Variants in AFF2 observed in about 807,000 individuals in gnomAD.
AFF2 encodes ALF transcription elongation factor 2.
Under a neutral mutation model 76.9 loss-of-function variants are expected in AFF2, and 14 were observed. The ratio of observed to expected loss-of-function variants is 0.18; its 90% CI spans 0.12 to 0.28. The LOEUF is 0.28. AFF2 is among the 10% of genes least tolerant of loss of function. The pLI, the probability that AFF2 is intolerant of heterozygous loss-of-function variation, is 1.00. For missense variants in AFF2, 868 were observed against 1,001.1 expected (o/e 0.87, Z 1.79); for synonymous variants, 398 against 366.7 (o/e 1.09, Z -0.98).
intron 9 of AFF2, among the ~76,000 whole-genome samples, chrX:148,941,414 G>C (rs2071832557): frequency 8.9e-6 from 1 of 111,751 alleles, no homozygotes; most frequent in Non-Finnish European, 1.9e-5. Context: ...GCACAATGTA[G>C]GCTGGGTTGG....
intron 1 of AFF2, among the ~76,000 whole-genome samples, chrX:148,587,342 T>G (rs1557246032): frequency 1.8e-5 from 2 of 112,444 alleles, no homozygotes; most frequent in Non-Finnish European, 3.8e-5. Flanking sequence ...AATGGGAAAT[T>G]ACTTTTAAAT....
intron 3 of AFF2, among the ~76,000 whole-genome samples, chrX:148,712,082 T>G (rs1385256636): frequency 1.8e-5 from 2 of 111,811 alleles, no homozygotes; most frequent in Non-Finnish European, 3.8e-5. Context: ...TAAACAGACA[T>G]GAATACAAGT....
intron 1 of AFF2, among the ~76,000 whole-genome samples, chrX:148,563,000 G>T (rs1557240968): frequency 1.8e-5 from 2 of 112,249 alleles, no homozygotes; most frequent in African/African-American, 6.5e-5. Flanking sequence ...GCCGACTTTA[G>T]CCTTGGTTGT....
intron 16 of AFF2, 31 bp downstream of exon 16, chrX:148,973,638 C>T (rs2072286804): frequency 8.6e-7 from 1 of 1,157,192 alleles, no homozygotes; most frequent in Non-Finnish European, 1.2e-6. Flanking sequence ...CATCTTCCTA[C>T]ACTCATTTCA....
intron 3 of AFF2, among the ~76,000 whole-genome samples, chrX:148,710,375 G>C (rs1459888087): frequency 8.9e-6 from 1 of 111,810 alleles, no homozygotes; most frequent in Non-Finnish European, 1.9e-5. Flanking sequence ...ATATAGACTT[G>C]AGAGCAATAC....
At chrX:148,914,283 C>A (rs782221994) in intron 9 of AFF2, among the ~76,000 whole-genome samples, 6 of 110,818 alleles carry the variant, frequency 5.4e-5, no homozygotes, top group Admixed American at 9.6e-5. Context: ...TTAGAGGCAG[C>A]TGGGGCGGGG....
intron 1 of AFF2, among the ~76,000 whole-genome samples, chrX:148,628,673 T>C (rs1955155898): frequency 8.9e-6 from 1 of 112,099 alleles, no homozygotes; most frequent in Non-Finnish European, 1.9e-5. Context: ...AGCTATGATA[T>C]TTGTTTCTAG....
At chrX:148,784,886 G>A (rs2069795095) in intron 3 of AFF2, among the ~76,000 whole-genome samples, 1 of 111,293 alleles carries the variant, frequency 9.0e-6, no homozygotes, top group South Asian at 3.9e-4. Context: ...CTCCATGCAC[G>A]GGCTGCCCCT....
intron 9 of AFF2, among the ~76,000 whole-genome samples, chrX:148,907,969 G>A (rs888451499): frequency 2.7e-5 from 3 of 111,118 alleles, no homozygotes; most frequent in Admixed American, 1.9e-4. Flanking sequence ...TCTCTTTCTC[G>A]GGGATGTCCC....
chrX:148,792,734 A>G (rs192416310), intron 3 of AFF2, among the ~76,000 whole-genome samples: 18 of 112,463 alleles, frequency 1.6e-4, no homozygotes, highest in African/African-American at 5.8e-4. Context: ...CTGATGGCAT[A>G]TACCACAATG....
chrX:148,932,199 G>A (rs1472051424), intron 9 of AFF2, among the ~76,000 whole-genome samples: 2 of 112,292 alleles, frequency 1.8e-5, no homozygotes, highest in Middle Eastern at 4.6e-3. Flanking sequence ...TCATGGAACT[G>A]AAGGTACCGC....
intron 9 of AFF2, among the ~76,000 whole-genome samples, chrX:148,932,301 G>A (rs1403893533): frequency 8.9e-6 from 1 of 112,036 alleles, no homozygotes. Flanking sequence ...ATTTCCTGGG[G>A]ATTCACAAGA....
At chrX:148,922,757 A>G (rs2071609899) in intron 9 of AFF2, among the ~76,000 whole-genome samples, 1 of 111,670 alleles carries the variant, frequency 9.0e-6, no homozygotes. Flanking sequence ...CCTACTTATC[A>G]GGATGTTCTC....
intron 3 of AFF2, among the ~76,000 whole-genome samples, chrX:148,723,678 G>T (rs1030018332): frequency 9.0e-6 from 1 of 111,055 alleles, no homozygotes; most frequent in Non-Finnish European, 1.9e-5. Flanking sequence ...AGTGATGAAT[G>T]CCTTGACTGG....
At chrX:148,969,720 G>A (rs369736344) in intron 15 of AFF2, among the ~76,000 whole-genome samples, 3 of 111,018 alleles carry the variant, frequency 2.7e-5, no homozygotes, top group African/African-American at 6.6e-5. Context: ...CAGAACCCAC[G>A]GATACAGAGG....
chrX:148,587,163 A>G (rs2053477419), intron 1 of AFF2, among the ~76,000 whole-genome samples: 1 of 111,977 alleles, frequency 8.9e-6, no homozygotes. Context: ...ACTGATTCAG[A>G]TAATCTAGAA....
intron 4 of AFF2, among the ~76,000 whole-genome samples, chrX:148,832,563 G>T (rs782054715): frequency 8.9e-6 from 1 of 112,279 alleles, no homozygotes; most frequent in African/African-American, 3.2e-5. Flanking sequence ...TACTGACAAT[G>T]CCATAGCCAT....
At chrX:148,801,754 A>G (rs1557270955) in intron 3 of AFF2, among the ~76,000 whole-genome samples, 1 of 111,585 alleles carries the variant, frequency 9.0e-6, no homozygotes, top group African/African-American at 3.3e-5. Flanking sequence ...CCTCTTATAA[A>G]AACAAAACCA....
At chrX:148,824,866 C>T (rs2070369366) in intron 4 of AFF2, among the ~76,000 whole-genome samples, 1 of 111,039 alleles carries the variant, frequency 9.0e-6, no homozygotes, top group African/African-American at 3.3e-5. Flanking sequence ...AGGAGACCCA[C>T]ATGTCTATAA....
Sources: gnomAD v4.1 joint callset for allele counts (sites outside exome capture counted in the v4.1 genomes callset) on GRCh38, gnomAD v4.1.1 for gene constraint, MANE v1.5 for transcripts, NCBI Gene and HGNC (gene_info 2026-07-23, HGNC 2026-07-21) for gene names.